The following PRKCZ variants were observed in gnomAD, a reference collection of about 807,000 sequenced individuals.
PRKCZ encodes protein kinase C zeta.
A neutral mutation model predicts 79.5 loss-of-function variants in PRKCZ; 33 were observed. That is an observed-to-expected ratio of 0.41 (90% CI 0.31 to 0.55). PRKCZ has a LOEUF of 0.55. Among genes scored for constraint, PRKCZ ranks in the 20% least tolerant of loss-of-function variants. The pLI is 0.19. For synonymous variants in PRKCZ, 342 were observed against 320.9 expected, an observed-to-expected ratio of 1.07 and a Z score of -0.70; for missense variants, 578 against 813.5, an observed-to-expected ratio of 0.71 and a Z score of 3.52.
chr1:2,177,383 C>T lies in PRKCZ; in HGVS notation c.1575+2070C>T, dbSNP rs1215437564. On this transcript the variant is annotated intron_variant, in intron 16 of 17. Transcript: ENST00000378567. The surrounding 1 kb of genome is among the most constrained non-coding windows in gnomAD (Gnocchi z 6.4). ...CTTTCCCACCCTCTCTCTTCCAAGC[C>T]CACCACCGTATGGGGCCCACCAGCA... 6.6e-6 allele frequency among the ~76,000 whole-genome samples: 1 copy of T among 152,200 alleles called. No homozygotes were observed. The highest frequency in any genetic ancestry group is 1.5e-5 in the Non-Finnish European group (1 of 68,040).
chr1:2,113,552 G>C (rs1239363730), intron 4 of PRKCZ, among the ~76,000 whole-genome samples: 4 of 152,200 alleles, frequency 2.6e-5, no homozygotes, highest in African/African-American at 9.7e-5. Context: ...GGCGACCAGG[G>C]CCTTGAGTGA....
chr1:2,152,282 C>T (rs1008371808), intron 9 of PRKCZ, among the ~76,000 whole-genome samples: 2 of 152,072 alleles, frequency 1.3e-5, no homozygotes, highest in Non-Finnish European at 2.9e-5. Flanking sequence ...CCTATAATCC[C>T]AGCACTTTGG....
chr1:2,052,048 G>A (rs1052222384), intron 1 of PRKCZ, among the ~76,000 whole-genome samples: 5 of 152,144 alleles, frequency 3.3e-5, no homozygotes, highest in Admixed American at 2.0e-4. Flanking sequence ...TATGGTTGAC[G>A]TTCTGGCTAT....
At chr1:2,080,103 G>A (rs563881851) in intron 4 of PRKCZ, among the ~76,000 whole-genome samples, 125 of 152,298 alleles carry the variant, frequency 8.2e-4, no homozygotes, top group African/African-American at 3.0e-3. Flanking sequence ...GGTGGCCACG[G>A]GGCCCTCTGC....
chr1:2,156,383 G>A, intron 10 of PRKCZ: 1 of 311,794 alleles, frequency 3.2e-6, no homozygotes, highest in Non-Finnish European at 6.3e-6. Context: ...CAAAAGAGGT[G>A]GATTTCTGTG....
chr1:2,058,691 T>G (rs1448857492), intron 3 of PRKCZ, among the ~76,000 whole-genome samples: 1 of 148,466 alleles, frequency 6.7e-6, no homozygotes, highest in African/African-American at 2.5e-5. Flanking sequence ...AGGTCAGGAG[T>G]TCAAGACCAG....
chr1:2,138,900 C>T (rs867789569), intron 5 of PRKCZ, among the ~76,000 whole-genome samples: 4 of 152,110 alleles, frequency 2.6e-5, no homozygotes, highest in Non-Finnish European at 4.4e-5. Context: ...TGCCACTGGG[C>T]GACAGAGTGA....
At chr1:2,109,138 G>A (rs1669203205) in intron 4 of PRKCZ, among the ~76,000 whole-genome samples, 2 of 152,208 alleles carry the variant, frequency 1.3e-5, no homozygotes, top group Admixed American at 1.3e-4. Context: ...CGTCTGCAAA[G>A]TCCCGTATGC....
intron 4 of PRKCZ, among the ~76,000 whole-genome samples, chr1:2,131,411 C>A (rs1163140652): frequency 1.3e-5 from 2 of 152,176 alleles, no homozygotes; most frequent in African/African-American, 4.8e-5. Context: ...TGGAGACCAG[C>A]CTGGGCAACA....
chr1:2,072,484 C>G (rs1661689118), intron 4 of PRKCZ, among the ~76,000 whole-genome samples: 1 of 152,074 alleles, frequency 6.6e-6, no homozygotes, highest in Non-Finnish European at 1.5e-5. Flanking sequence ...GTGGGTGGGG[C>G]CTTTACTGTG....
intron 4 of PRKCZ, among the ~76,000 whole-genome samples, chr1:2,120,389 T>C (rs1452955614): frequency 8.0e-6 from 1 of 125,634 alleles, no homozygotes. Context: ...AATCTCCACC[T>C]CCCCGGTTCA....
At chr1:2,181,703 C>G (rs1686646801) in intron 16 of PRKCZ, 2 of 403,030 alleles carry the variant, frequency 5.0e-6, no homozygotes, top group African/African-American at 4.1e-5. Flanking sequence ...CTGGAGGACC[C>G]TGGGCCAGCT....
At chr1:2,084,809 C>T (rs1326683868) in intron 4 of PRKCZ, among the ~76,000 whole-genome samples, 1 of 152,066 alleles carries the variant, frequency 6.6e-6, no homozygotes, top group Non-Finnish European at 1.5e-5. Flanking sequence ...GTTTTCAAGA[C>T]CAGCCTGGGC....
intron 4 of PRKCZ, among the ~76,000 whole-genome samples, chr1:2,063,205 G>A (rs374171194): frequency 4.6e-5 from 7 of 152,212 alleles, no homozygotes; most frequent in African/African-American, 1.2e-4. Context: ...TTTAGCTGTC[G>A]TGAATGATGC....
At chr1:2,071,091 T>G (rs1382131989) in intron 4 of PRKCZ, among the ~76,000 whole-genome samples, 1 of 118,768 alleles carries the variant, frequency 8.4e-6, no homozygotes, top group African/African-American at 3.5e-5. Flanking sequence ...GGCCGATTGC[T>G]CAGGGGGGCG....
chr1:2,118,772 G>A (rs1393392845), intron 4 of PRKCZ, among the ~76,000 whole-genome samples: 5 of 148,244 alleles, frequency 3.4e-5, no homozygotes, highest in Non-Finnish European at 7.5e-5. Flanking sequence ...GGGGAGGGAG[G>A]GAAGGGGACT....
In PRKCZ at chr1:2,149,009, AG is replaced by A; in HGVS notation, c.687+86del. 1 of 1,440,190 alleles carries A rather than the reference AG, an allele frequency of 6.9e-7. No individual in the cohort carries two copies. Among genetic ancestry groups the A allele is most frequent in the Middle Eastern group, 1.7e-4 (1 of 5,742 alleles). 89.2% of individuals were successfully genotyped at this position (1,440,190 alleles called of 1,614,324 possible). A position where few individuals can be genotyped will look rare whatever the true frequency, so the allele number is the denominator to read the frequency against. On this transcript the variant is annotated intron_variant, in intron 8 of 17. Coordinates refer to ENST00000378567, the MANE Select transcript of PRKCZ (RefSeq NM_002744.6). The surrounding 1 kb of genome is among the most constrained non-coding windows in gnomAD (Gnocchi z 4.1). The stretch of plus-strand genomic sequence containing the variant: ...GTCTCTGGGGTAGTCACGGAAATCT[AG>A]ATGTGAAATAGACATGGTCCGGGGT...
intron 1 of PRKCZ, among the ~76,000 whole-genome samples, chr1:2,052,267 C>G (rs1378807406): frequency 6.6e-6 from 1 of 152,174 alleles, no homozygotes; most frequent in Non-Finnish European, 1.5e-5. Flanking sequence ...TCTGGGCCGC[C>G]CCGTCCTCCC....
At chr1:2,089,821 T>C (rs890262104) in intron 4 of PRKCZ, among the ~76,000 whole-genome samples, 2 of 152,110 alleles carry the variant, frequency 1.3e-5, no homozygotes, top group African/African-American at 4.8e-5. Context: ...TCCCAGCTAC[T>C]CCGGAGGCTG....
Sources: gnomAD v4.1 joint callset for allele counts (sites outside exome capture counted in the v4.1 genomes callset) on GRCh38, gnomAD v4.1.1 for gene constraint, Gnocchi (gnomAD v3.1) non-coding constraint, MANE v1.5 for transcripts, NCBI Gene and HGNC (gene_info 2026-07-23, HGNC 2026-07-21) for gene names.